Variants in NALCN observed in about 807,000 individuals in gnomAD.
The protein encoded by NALCN is sodium leak channel, non-selective, also known as sodium leak channel NALCN.
A neutral mutation model predicts 225.3 loss-of-function variants in NALCN; 111 were observed. That is an observed-to-expected ratio of 0.49 (90% CI 0.42 to 0.58). The LOEUF (loss-of-function observed/expected upper bound fraction) is 0.58. Among genes scored for constraint, NALCN ranks in the 20% least tolerant of loss-of-function variants. NALCN has a pLI of 0.00. For missense variants in NALCN, 1,378 were observed against 2,202.4 expected (o/e 0.63, Z 7.49); for synonymous variants, 764 against 769.0 (o/e 0.99, Z 0.11).
intron 6 of NALCN, among the ~76,000 whole-genome samples, chr13:101,355,410 GA>G (rs781515391): frequency 6.6e-5 from 10 of 150,926 alleles, no homozygotes; most frequent in Admixed American, 4.0e-4. Context: ...TAGCCTCTGA[GA>G]AAACGGACTT....
At position 101,310,864 on chromosome 13, in the gene NALCN, T is replaced by C. The variant is rs566941157; in HGVS notation, c.800-18498A>G. Among the ~76,000 whole-genome samples, 5 of 152,262 alleles carry C rather than the reference T, an allele frequency of 3.3e-5. No individual in the cohort carries two copies. In the East Asian group the frequency reaches 9.7e-4, roughly 29 times the overall value. On this transcript the variant is annotated intron_variant, in intron 7 of 43. Transcript: ENST00000251127. ...CATATAATGGAAATAAAGTCAGAAC[T>C]GAATCAGAAAATAGGATATTCACAT...
intron 11 of NALCN, among the ~76,000 whole-genome samples, chr13:101,251,332 C>T (rs1259763332): frequency 6.6e-6 from 1 of 151,856 alleles, no homozygotes; most frequent in African/African-American, 2.4e-5. Flanking sequence ...AAAAGTGGCA[C>T]CTTAATACTT....
intron 20 of NALCN, 124 bp from the exon 21 acceptor site, chr13:101,107,913 A>G (rs1398777602): frequency 7.5e-6 from 3 of 402,388 alleles, no homozygotes; most frequent in Non-Finnish European, 1.2e-5. Context: ...AATTACATAT[A>G]TTTACTGTTA....
At position 101,222,294 on chromosome 13, in the gene NALCN, C is replaced by T. The variant is rs368323155; in HGVS notation, c.1626+7099G>A. On this transcript the variant is annotated intron_variant, in intron 13 of 43. Coordinates refer to ENST00000251127, the MANE Select transcript of NALCN (RefSeq NM_052867.4). ...TCACAGTCTACAAGATATGGTCAGC[C>T]ATAGGCGCTCACCCCCATCTCATCC... 5.9e-5 allele frequency among the ~76,000 whole-genome samples: 9 copies of T among 152,254 alleles called. No homozygotes were observed. The South Asian group carries it at 1.7e-3, about 28-fold the overall frequency.
At chr13:101,381,714 A>T (rs9585681) in intron 3 of NALCN, among the ~76,000 whole-genome samples, 60,309 of 152,028 alleles carry the variant, frequency 0.4, 14,354 homozygotes, top group African/African-American at 0.67. Flanking sequence ...TCTGTCTTTA[A>T]GCAATTTACA....
At chr13:101,317,582 T>A (rs2044596502) in intron 7 of NALCN, among the ~76,000 whole-genome samples, 1 of 152,186 alleles carries the variant, frequency 6.6e-6, no homozygotes, top group African/African-American at 2.4e-5. Flanking sequence ...TCTGGTCAAT[T>A]GCATCTTCTA....
intron 6 of NALCN, among the ~76,000 whole-genome samples, chr13:101,360,189 C>CCTCTCT (rs759523803): frequency 0.052 from 4,668 of 89,036 alleles, 371 homozygotes; most frequent in East Asian, 0.077. Flanking sequence ...TTCCTCTCTT[C>CCTCTCT]CTCTCTCTCT....
At chr13:101,160,460 A>AGT (rs1351647723) in intron 15 of NALCN, among the ~76,000 whole-genome samples, 1 of 151,978 alleles carries the variant, frequency 6.6e-6, no homozygotes, top group East Asian at 1.9e-4. Flanking sequence ...CTCCCTCAGG[A>AGT]CCCTACAATG....
intron 2 of NALCN, 59 bp downstream of exon 2, chr13:101,398,960 G>A (rs2047389915): frequency 1.8e-6 from 2 of 1,084,050 alleles, no homozygotes; most frequent in Non-Finnish European, 2.8e-6. Flanking sequence ...ATTTGAATTT[G>A]TCAATCACAT....
intron 7 of NALCN, among the ~76,000 whole-genome samples, chr13:101,298,863 A>G (rs2043849968): frequency 1.3e-5 from 2 of 152,212 alleles, no homozygotes; most frequent in South Asian, 4.1e-4. Flanking sequence ...CCCTTGTTGG[A>G]AAAATTGCCA....
intron 13 of NALCN, among the ~76,000 whole-genome samples, chr13:101,217,009 C>T (rs184641796): frequency 2.1e-4 from 32 of 152,114 alleles, no homozygotes; most frequent in African/African-American, 7.2e-4. Context: ...TTTATACAAC[C>T]GCTAAACATA....
chr13:101,221,749 T>C (rs1213006011), intron 13 of NALCN, among the ~76,000 whole-genome samples: 1 of 152,104 alleles, frequency 6.6e-6, no homozygotes, highest in East Asian at 1.9e-4. Flanking sequence ...TCACCGAAAG[T>C]TTCATACCTA....
chr13:101,116,598 A>G (rs1348670730), intron 18 of NALCN: 4 of 507,064 alleles, frequency 7.9e-6, no homozygotes, highest in Non-Finnish European at 1.6e-5. Flanking sequence ...ACATTCTGTA[A>G]TGAAAGGGAG....
chr13:101,221,660 T>C (rs1440879145), intron 13 of NALCN, among the ~76,000 whole-genome samples: 1 of 152,176 alleles, frequency 6.6e-6, no homozygotes, highest in East Asian at 1.9e-4. Flanking sequence ...TTGACCATTG[T>C]ATTCAACACA....
At chr13:101,316,710 T>C (rs1429224084) in intron 7 of NALCN, among the ~76,000 whole-genome samples, 1 of 152,204 alleles carries the variant, frequency 6.6e-6, no homozygotes, top group Non-Finnish European at 1.5e-5. Flanking sequence ...TTGTATACAT[T>C]GCAAGGAGAA....
At chr13:101,148,859 T>A (rs1208871244) in intron 15 of NALCN, among the ~76,000 whole-genome samples, 3 of 152,198 alleles carry the variant, frequency 2.0e-5, no homozygotes, top group Non-Finnish European at 4.4e-5. Flanking sequence ...TATCTATTGA[T>A]TGATTGAATA....
intron 7 of NALCN, among the ~76,000 whole-genome samples, chr13:101,321,538 T>C (rs1041329690): frequency 6.6e-6 from 1 of 152,138 alleles, no homozygotes; most frequent in Non-Finnish European, 1.5e-5. Flanking sequence ...ATTAAAAATG[T>C]GCATACCCAG....
intron 22 of NALCN, among the ~76,000 whole-genome samples, chr13:101,106,427 G>C (rs2035104196): frequency 6.6e-6 from 1 of 152,170 alleles, no homozygotes; most frequent in Non-Finnish European, 1.5e-5. Context: ...GATGGCATCA[G>C]GGACACTCCA....
At chr13:101,073,245 G>A (rs1594143800) in intron 37 of NALCN, among the ~76,000 whole-genome samples, 1 of 152,214 alleles carries the variant, frequency 6.6e-6, no homozygotes, top group East Asian at 1.9e-4. Flanking sequence ...GCATATAGCT[G>A]AGGGGCAGTG....
Sources: allele counts gnomAD v4.1 joint callset (sites outside exome capture counted in the v4.1 genomes callset), GRCh38; gene constraint gnomAD v4.1.1; transcripts MANE v1.5; gene names NCBI Gene and HGNC (gene_info 2026-07-23, HGNC 2026-07-21).